Variants in CRB1 observed in about 807,000 individuals in gnomAD.
CRB1 encodes the protein crumbs cell polarity complex component 1, also known as protein crumbs homolog 1.
CRB1 carries 83 observed loss-of-function variants against 120.0 expected under a neutral mutation model. The observed-to-expected ratio is 0.69, with a 90% confidence interval of 0.58 to 0.83. CRB1 has a LOEUF of 0.83. Ranked by LOEUF, CRB1 falls within the 40% of genes least tolerant of loss-of-function variation. The pLI is 0.00. For synonymous variants in CRB1, 625 were observed against 612.5 expected (o/e 1.02, Z -0.30); for missense variants, 1,699 against 1,687.6 (o/e 1.01, Z -0.12).
chr1:197,470,319 A>G (rs547450378), intron 11 of CRB1, among the ~76,000 whole-genome samples: 1 of 152,298 alleles, frequency 6.6e-6, no homozygotes, highest in African/African-American at 2.4e-5. Context: ...GCTGATTGCA[A>G]TCAAAGAGGA....
At chr1:197,209,056 C>T in the CRB1 span, among the ~76,000 whole-genome samples, 6 of 152,156 alleles carry the variant, frequency 3.9e-5, no homozygotes, top group African/African-American at 1.2e-4. Flanking sequence ...GCCCAAAAGG[C>T]CAGTCTCACT....
At chr1:197,255,965 T>TTATATATATATATATA in the CRB1 span, among the ~76,000 whole-genome samples, 1,615 of 85,024 alleles carry the variant, frequency 0.019, 73 homozygotes, top group Non-Finnish European at 0.03. Flanking sequence ...ATAGAACATT[T>TTATATATATATATATA]TATATATATA....
intron 11 of CRB1, among the ~76,000 whole-genome samples, chr1:197,469,229 A>G (rs1666877286): frequency 6.6e-6 from 1 of 152,190 alleles, no homozygotes; most frequent in Non-Finnish European, 1.5e-5. Context: ...CAAAATAAAT[A>G]AATAAATAAA....
intron 5 of CRB1, among the ~76,000 whole-genome samples, chr1:197,417,595 G>C (rs1279399212): frequency 6.6e-6 from 1 of 152,182 alleles, no homozygotes; most frequent in Non-Finnish European, 1.5e-5. Flanking sequence ...GAGAGGCAAC[G>C]TCTGCCTGCC....
chr1:197,347,525 A>T (rs913299005), intron 4 of CRB1, 46 bp downstream of exon 4: 1 of 1,584,014 alleles, frequency 6.3e-7, no homozygotes. Flanking sequence ...ATTTGTTTAG[A>T]ATACACATAT....
At chr1:197,301,103 G>T (rs1013427017) in intron 1 of CRB1, among the ~76,000 whole-genome samples, 1 of 151,026 alleles carries the variant, frequency 6.6e-6, no homozygotes, top group Non-Finnish European at 1.5e-5. Context: ...TGATGGAGAT[G>T]GGCAAGGATG....
At chr1:197,261,865 T>C in the CRB1 span, among the ~76,000 whole-genome samples, 1 of 152,178 alleles carries the variant, frequency 6.6e-6, no homozygotes, top group Admixed American at 6.5e-5. Context: ...TTTTTGCCAT[T>C]GTCAAATAGG....
intron 7 of CRB1, chr1:197,428,896 T>G: frequency 1.4e-6 from 2 of 1,446,118 alleles, no homozygotes; most frequent in Non-Finnish European, 1.8e-6. Context: ...AAATTTCTTT[T>G]TAAATACTTT....
At chr1:197,242,646 G>C in the CRB1 span, among the ~76,000 whole-genome samples, 2 of 152,060 alleles carry the variant, frequency 1.3e-5, no homozygotes, top group African/African-American at 4.8e-5. Context: ...TTCTTTTGTT[G>C]TGTCTCTGCC....
the CRB1 span, among the ~76,000 whole-genome samples, chr1:197,214,121 C>T: frequency 6.6e-5 from 10 of 150,482 alleles, no homozygotes; most frequent in South Asian, 2.1e-3. Context: ...TGTTTGTTTG[C>T]GAAGGAGAAA....
chr1:197,228,530 G>A, the CRB1 span, among the ~76,000 whole-genome samples: 35 of 152,244 alleles, frequency 2.3e-4, no homozygotes, highest in Admixed American at 1.4e-3. Flanking sequence ...GACCACCTCA[G>A]CCTGGACCTT....
chr1:197,460,678 C>T (rs1666490815), intron 11 of CRB1, among the ~76,000 whole-genome samples: 2 of 152,104 alleles, frequency 1.3e-5, no homozygotes, highest in Non-Finnish European at 2.9e-5. Flanking sequence ...TTCATTTAAC[C>T]TCAAATCCTC....
intron 1 of CRB1, among the ~76,000 whole-genome samples, chr1:197,309,220 T>C (rs1030725896): frequency 3.9e-5 from 6 of 152,152 alleles, no homozygotes; most frequent in Non-Finnish European, 7.3e-5. Flanking sequence ...TCTATTCCTA[T>C]GTATTATTCA....
chr1:197,403,161 A>G (rs1445047685), intron 5 of CRB1, among the ~76,000 whole-genome samples: 1 of 152,196 alleles, frequency 6.6e-6, no homozygotes, highest in Non-Finnish European at 1.5e-5. Context: ...TTTGTGGAGC[A>G]CTAGGAATAC....
chr1:197,467,911 A>G (rs1231912635), intron 11 of CRB1, among the ~76,000 whole-genome samples: 1 of 152,168 alleles, frequency 6.6e-6, no homozygotes, highest in African/African-American at 2.4e-5. Context: ...CTCCTGAGAG[A>G]CAGGAAATCA....
At chr1:197,415,182 A>AG (rs1663913663) in intron 5 of CRB1, among the ~76,000 whole-genome samples, 1 of 152,232 alleles carries the variant, frequency 6.6e-6, no homozygotes, top group Non-Finnish European at 1.5e-5. Context: ...TTGCCCACAA[A>AG]GGATAAATGA....
rs1275142998 is a variant in CRB1, at chr1:197,421,138, A to T, written c.1310A>T (p.Asp437Val). The change falls in exon 6 of 12, where the codon GAC becomes GTC. Residue 437 changes from aspartate to valine, a missense_variant. Physicochemically the swap from Asp to Val is radical, Grantham distance 152. Transcript: ENST00000367400. The stretch of plus-strand genomic sequence containing the variant: ...TCTAGAACTTTTTATGGAGGAAGGG[A>T]CTGTTCTGATATTCTCCTGGGCTGT... ...NLSRTFYGGRDCSDILLGCTH... is the reference protein window; with the variant it reads ...NLSRTFYGGRVCSDILLGCTH... 6.2e-7 allele frequency: 1 copy of T among 1,614,100 alleles called. No individual in the cohort carries two copies. Among genetic ancestry groups the T allele is most frequent in the East Asian group, 2.2e-5 (1 of 44,878 alleles).
upstream of CRB1, chr1:197,268,079 A>G (rs1165967525): frequency 3.1e-6 from 1 of 318,662 alleles, no homozygotes; most frequent in Admixed American, 4.1e-5. Context: ...TGAAGACACT[A>G]TTCTAATGTA....
the CRB1 span, among the ~76,000 whole-genome samples, chr1:197,259,761 A>G: frequency 6.6e-6 from 1 of 152,170 alleles, no homozygotes; most frequent in Non-Finnish European, 1.5e-5. Context: ...TGCAATCCCC[A>G]TTATACTTGG....
Sources: allele counts gnomAD v4.1 joint callset (sites outside exome capture counted in the v4.1 genomes callset), GRCh38; gene constraint gnomAD v4.1.1; transcripts MANE v1.5; gene names NCBI Gene and HGNC (gene_info 2026-07-23, HGNC 2026-07-21).